The following RAB35 variants were observed in gnomAD, a reference collection of about 807,000 sequenced individuals.
RAB35 encodes RAB35, member RAS oncogene family.
RAB35 carries 4 observed loss-of-function variants against 28.9 expected under a neutral mutation model. That is an observed-to-expected ratio of 0.14 (90% CI 0.07 to 0.32). The LOEUF is 0.32. RAB35 is among the 10% of genes least tolerant of loss of function. The pLI is 1.00. For missense variants in RAB35, 128 were observed against 274.0 expected (o/e 0.47, Z 3.76); for synonymous variants, 99 against 105.1 (o/e 0.94, Z 0.35).
chr12:120,099,729 G>A (rs1875582425), intron 3 of RAB35, among the ~76,000 whole-genome samples: 1 of 152,158 alleles, frequency 6.6e-6, no homozygotes, highest in Non-Finnish European at 1.5e-5. Context: ...GATGGCTGGG[G>A]AGAGGGCGCC....
At chr12:120,114,789 AGAG>A (rs1451588102) in intron 1 of RAB35, among the ~76,000 whole-genome samples, 9 of 152,262 alleles carry the variant, frequency 5.9e-5, no homozygotes, top group African/African-American at 1.9e-4. Flanking sequence ...TGGGCTTTAC[AGAG>A]GAGAAGAGCC....
chr12:120,108,686 A>G, intron 1 of RAB35: 2 of 673,932 alleles, frequency 3.0e-6, no homozygotes, highest in Non-Finnish European at 5.5e-6. Context: ...TGTGTAAGAC[A>G]AGCTGCTCCC....
chr12:120,109,657 C>CT (rs543003528), intron 1 of RAB35, among the ~76,000 whole-genome samples: 19,154 of 119,910 alleles, frequency 0.16, 1,764 homozygotes, highest in East Asian at 0.4. Context: ...GTTGCCCAGG[C>CT]TTTTTTTTTT....
At chr12:120,102,041 CT>C (rs1311944113) in intron 3 of RAB35, among the ~76,000 whole-genome samples, 1 of 152,204 alleles carries the variant, frequency 6.6e-6, no homozygotes, top group African/African-American at 2.4e-5. Context: ...GAACCTCCGC[CT>C]GGTTTTAAGG....
At chr12:120,104,167 A>G (rs1271486691) in intron 2 of RAB35, among the ~76,000 whole-genome samples, 1 of 152,118 alleles carries the variant, frequency 6.6e-6, no homozygotes, top group African/African-American at 2.4e-5. Context: ...GCAAACAAAC[A>G]AAGAGGACAA....
chr12:120,103,473 T>C lies in RAB35; in HGVS notation c.227+353A>G, dbSNP rs1016520010. Among the ~76,000 whole-genome samples, 1 of 152,214 alleles carries C rather than the reference T, an allele frequency of 6.6e-6. No individual in the cohort carries two copies. The highest frequency in any genetic ancestry group is 1.5e-5 in the Non-Finnish European group (1 of 68,038). On this transcript the variant is annotated intron_variant, in intron 3 of 5. Coordinates refer to ENST00000229340, the MANE Select transcript of RAB35 (RefSeq NM_006861.7). The surrounding 1 kb of genome is among the most constrained non-coding windows in gnomAD (Gnocchi z 6.1). ...GAATTGTCAGCGACTAAGTCCTGGG[T>C]GGGCAAGGCACTTCGCAACCCCCTA... is the stretch of plus-strand genomic sequence containing the variant.
chr12:120,105,378 C>A (rs983233576), intron 2 of RAB35, among the ~76,000 whole-genome samples: 1 of 152,110 alleles, frequency 6.6e-6, no homozygotes, highest in African/African-American at 2.4e-5. Context: ...TGGTGGCTAA[C>A]GAACCAAGCA....
Position 120,095,399 on chromosome 12 carries a change from A to AC in RAB35, c.*1845dup, listed in dbSNP as rs926989692. ...TAGCCTGGGCTGGAAGCCCCCAGGA[A>AC]CCCCCCTCTTATTGCTTGAATTTGC... On this transcript the variant is annotated 3_prime_UTR_variant, in exon 6 of 6. Coordinates refer to ENST00000229340, the MANE Select transcript of RAB35 (RefSeq NM_006861.7). 8.6e-5 allele frequency: 13 copies of AC among 150,530 alleles called. No homozygotes were observed. Among genetic ancestry groups the AC allele is most frequent in the Non-Finnish European group, 1.5e-4 (10 of 67,442 alleles). The allele number at this position is 150,530 out of a possible 1,614,324, so 9.3% of individuals were successfully genotyped here.
At chr12:120,104,657 G>A (rs528686475) in intron 2 of RAB35, among the ~76,000 whole-genome samples, 3 of 151,720 alleles carry the variant, frequency 2.0e-5, no homozygotes, top group African/African-American at 7.3e-5. Context: ...TTTTTTGGTG[G>A]GGGGGGGACA....
In RAB35 at chr12:120,114,522, A is replaced by G. The variant is rs114369238; in HGVS notation, c.52+2077T>C. Among the ~76,000 whole-genome samples the G allele has an allele frequency of 8.5e-3, 1,300 of 152,366 alleles. 20 individuals carry two copies. Among genetic ancestry groups the G allele is most frequent in the African/African-American group, 0.029 (1,208 of 41,586 alleles). ...CCAGTTCAGGGGAGTGTGTAATGTC[A>G]GTCTCTGGGCTCAGCTGCCAAAGCT... On this transcript the variant is annotated intron_variant, in intron 1 of 5. Coordinates refer to ENST00000229340, the MANE Select transcript of RAB35 (RefSeq NM_006861.7).
intron 1 of RAB35, among the ~76,000 whole-genome samples, chr12:120,111,247 C>T (rs755291926): frequency 6.6e-6 from 1 of 152,246 alleles, no homozygotes; most frequent in Non-Finnish European, 1.5e-5. Context: ...TGCAGGGCAG[C>T]AGAATCCTTT....
In RAB35 at chr12:120,103,714, G is replaced by A. The variant is rs896713059; in HGVS notation, c.227+112C>T. On this transcript the variant is annotated intron_variant, in intron 3 of 5. Transcript: ENST00000229340. This position sits in a 1 kb window ranked among gnomAD's most constrained non-coding sequence, Gnocchi z 6.1. ...ACAGCCAACAACAGGCTCACTTCCCGACAGCCTCAGGGACCCACCAGTGAC... is the reference window on the plus strand; with the variant it reads ...ACAGCCAACAACAGGCTCACTTCCCAACAGCCTCAGGGACCCACCAGTGAC... 6.5e-5 allele frequency: 96 copies of A among 1,477,134 alleles called. No homozygotes were observed. The highest frequency in any genetic ancestry group is 7.8e-5 in the Non-Finnish European group (85 of 1,091,834). The allele number at this position is 1,477,134 out of a possible 1,614,324, so 91.5% of individuals were successfully genotyped here.
In RAB35 at chr12:120,096,887, C is replaced by T. The variant is rs1490634830; in HGVS notation, c.*358G>A. On this transcript the variant is annotated 3_prime_UTR_variant, in exon 6 of 6. Coordinates refer to ENST00000229340, the MANE Select transcript of RAB35 (RefSeq NM_006861.7). ...GGGGCGCGGGGAGGGTCTGTTGCAG[C>T]AGGCTGGCATCAAGAAGGCAAAAGC... 1.5e-6 allele frequency: 2 copies of T among 1,313,066 alleles called. No homozygotes were observed. The highest frequency in any genetic ancestry group is 4.5e-5 in the Admixed American group (2 of 44,176). 81.3% of individuals were successfully genotyped at this position (1,313,066 alleles called of 1,614,324 possible). A position where few individuals can be genotyped will look rare whatever the true frequency, so the allele number is the denominator to read the frequency against.
chr12:120,103,732 C>A lies in RAB35; in HGVS notation c.227+94G>T. On this transcript the variant is annotated intron_variant, in intron 3 of 5. Coordinates refer to ENST00000229340, the MANE Select transcript of RAB35 (RefSeq NM_006861.7). This position sits in a 1 kb window ranked among gnomAD's most constrained non-coding sequence, Gnocchi z 6.1. The stretch of plus-strand genomic sequence containing the variant: ...ACTTCCCGACAGCCTCAGGGACCCA[C>A]CAGTGACATTTCCACCATGACCAGG... 1.3e-6 allele frequency: 2 copies of A among 1,543,316 alleles called. No homozygotes were observed. The highest frequency in any genetic ancestry group is 1.8e-6 in the Non-Finnish European group (2 of 1,139,590).
chr12:120,099,360 G>T (rs1004417545), intron 3 of RAB35: 2 of 657,012 alleles, frequency 3.0e-6, no homozygotes, highest in African/African-American at 3.7e-5. Context: ...CCCCCTGCCC[G>T]CCCGGGGCAC....
Position 120,103,845 on chromosome 12 carries a change from A to T in RAB35, c.208T>A (p.Phe70Ile). 1 of 1,614,068 alleles carries T rather than the reference A, an allele frequency of 6.2e-7. No individual in the cohort carries two copies. Among genetic ancestry groups the T allele is most frequent in the Non-Finnish European group, 8.5e-7 (1 of 1,179,998 alleles). The stretch of plus-strand genomic sequence containing the variant: ...ACTCACGTGGAGGTGATGGTGCGGA[A>T]GCGCTCCTGCCCCGCTGTGTCCCAG... ...QIWDTAGQER[F>I]RTITSTYYRG... is the part of the protein sequence containing the mutation. Residue 70 changes from phenylalanine to isoleucine, a missense_variant, in exon 3 of 6, where the codon TTC becomes ATC. Transcript: ENST00000229340. The surrounding 1 kb of genome is among the most constrained non-coding windows in gnomAD (Gnocchi z 6.1).
Position 120,108,400 on chromosome 12 carries a change from T to C in RAB35, c.103+17A>G, listed in dbSNP as rs184674630. The C allele has an allele frequency of 5.0e-3, 8,083 of 1,609,078 alleles. 69 individuals are homozygous for C. Among genetic ancestry groups the C allele is most frequent in the South Asian group, 0.024 (2,141 of 90,964 alleles). On this transcript the variant is annotated intron_variant, in intron 2 of 5. Transcript: ENST00000229340. The stretch of plus-strand genomic sequence containing the variant: ...AACAAAAACGACACCCCAGCAGCAC[T>C]GCAGGGGAGGACTCACCTGAGAAAG...
rs369486205 is a variant in RAB35 at position 120,103,906 on chromosome 12, G to A, written c.147C>T (p.Thr49=). 9.5e-5 allele frequency: 153 copies of A among 1,614,062 alleles called. 1 individual carries two copies. The Middle Eastern group carries it at 6.1e-3, about 64-fold the overall frequency. The change falls in exon 3 of 6, where the codon ACC becomes ACT. Residue 49 remains threonine (T), a synonymous_variant. Transcript: ENST00000229340. This position sits in a 1 kb window ranked among gnomAD's most constrained non-coding sequence, Gnocchi z 6.1. ...TTIGVDFKIR[T]VEINGEKVKL... is the part of the protein sequence containing the mutation. Reference sequence around the variant, plus strand: ...TCACCTTCTCCCCGTTGATCTCCACGGTCCGGATCTTGAAATCCACTCCGA... The same window carrying A: ...TCACCTTCTCCCCGTTGATCTCCACAGTCCGGATCTTGAAATCCACTCCGA...
chr12:120,102,629 C>T (rs1050327570), intron 3 of RAB35, among the ~76,000 whole-genome samples: 11 of 152,236 alleles, frequency 7.2e-5, no homozygotes, highest in African/African-American at 1.7e-4. Flanking sequence ...ACACCTGTCC[C>T]TCTCCAGCAG....
Sources: gnomAD v4.1 joint callset for allele counts (sites outside exome capture counted in the v4.1 genomes callset) on GRCh38, gnomAD v4.1.1 for gene constraint, Gnocchi (gnomAD v3.1) non-coding constraint, MANE v1.5 for transcripts, NCBI Gene and HGNC (gene_info 2026-07-23, HGNC 2026-07-21) for gene names.